The following KCNIP1 variants were observed in gnomAD, a reference collection of about 807,000 sequenced individuals.
KCNIP1 encodes the protein potassium voltage-gated channel interacting protein 1.
Under a neutral mutation model 33.0 loss-of-function variants are expected in KCNIP1, and 18 were observed. The ratio of observed to expected loss-of-function variants is 0.55; its 90% CI spans 0.38 to 0.81. The LOEUF is 0.81. KCNIP1 is among the 30% of genes least tolerant of loss of function. KCNIP1 has a pLI of 0.00. For missense variants in KCNIP1, 238 were observed against 271.6 expected (o/e 0.88, Z 0.87); for synonymous variants, 93 against 98.3 (o/e 0.95, Z 0.32).
At chr5:170,712,470 T>TG (rs1763483542) in intron 1 of KCNIP1, among the ~76,000 whole-genome samples, 1 of 152,174 alleles carries the variant, frequency 6.6e-6, no homozygotes, top group African/African-American at 2.4e-5. Context: ...AGAGGGGGAA[T>TG]GGGGGCCTCC....
chr5:170,477,419 C>T (rs1325984507), intron 1 of KCNIP1, among the ~76,000 whole-genome samples: 1 of 151,508 alleles, frequency 6.6e-6, no homozygotes, highest in Admixed American at 6.6e-5. Flanking sequence ...CCTGGGTTGG[C>T]TTTTTTGTTT....
intron 1 of KCNIP1, among the ~76,000 whole-genome samples, chr5:170,471,486 A>G (rs1400954155): frequency 1.3e-5 from 2 of 152,164 alleles, no homozygotes; most frequent in African/African-American, 4.8e-5. Context: ...GTTCTGATCC[A>G]TCTCCCTTTT....
At chr5:170,682,784 C>CTTTGTTTTTTT (rs1762396344) in intron 1 of KCNIP1, among the ~76,000 whole-genome samples, 1 of 71,404 alleles carries the variant, frequency 1.4e-5, no homozygotes, top group Non-Finnish European at 2.4e-5. Flanking sequence ...TTCTTTGTTT[C>CTTTGTTTTTTT]TTTTTTTTTT....
intron 1 of KCNIP1, among the ~76,000 whole-genome samples, chr5:170,490,483 A>G (rs536488025): frequency 3.1e-4 from 47 of 152,234 alleles, no homozygotes; most frequent in Non-Finnish European, 6.2e-4. Flanking sequence ...ACACACACCC[A>G]TAAGAGTGCA....
chr5:170,384,838 T>A (rs1764400032), intron 1 of KCNIP1, among the ~76,000 whole-genome samples: 2 of 152,166 alleles, frequency 1.3e-5, no homozygotes, highest in Admixed American at 1.3e-4. Flanking sequence ...TGCAGACACA[T>A]CAGAAAACCT....
intron 1 of KCNIP1, among the ~76,000 whole-genome samples, chr5:170,693,807 A>C (rs1482071656): frequency 6.6e-6 from 1 of 152,248 alleles, no homozygotes; most frequent in Non-Finnish European, 1.5e-5. Context: ...AGGAAGGATT[A>C]GCAAGAAGAA....
intron 1 of KCNIP1, among the ~76,000 whole-genome samples, chr5:170,570,989 C>T (rs1186844581): frequency 6.6e-6 from 1 of 152,128 alleles, no homozygotes; most frequent in Non-Finnish European, 1.5e-5. Flanking sequence ...AAGTAGTGTC[C>T]CAAAGCCAAT....
At chr5:170,680,460 A>G (rs1478927654) in intron 1 of KCNIP1, 1 of 152,192 alleles carries the variant, frequency 6.6e-6, no homozygotes, top group Non-Finnish European at 1.5e-5. Flanking sequence ...TCTGATACTA[A>G]TATAAAACCT....
intron 1 of KCNIP1, among the ~76,000 whole-genome samples, chr5:170,587,272 T>A (rs1276128429): frequency 8.4e-6 from 1 of 119,208 alleles, no homozygotes; most frequent in Non-Finnish European, 1.8e-5. Flanking sequence ...AATAGAAAAA[T>A]TAGCCGGGTG....
intron 1 of KCNIP1, among the ~76,000 whole-genome samples, chr5:170,591,385 A>AAGG (rs10633764): frequency 0.99 from 151,214 of 152,280 alleles, 75,094 homozygotes; most frequent in Middle Eastern, 1. Flanking sequence ...AGGGGAAAGA[A>AAGG]AGGAGAGTGA....
intron 1 of KCNIP1, among the ~76,000 whole-genome samples, chr5:170,611,656 C>T (rs1759158706): frequency 6.6e-6 from 1 of 152,226 alleles, no homozygotes; most frequent in African/African-American, 2.4e-5. Flanking sequence ...CCTCCCAACA[C>T]CTCCCAAGCC....
intron 1 of KCNIP1, among the ~76,000 whole-genome samples, chr5:170,640,307 C>T (rs182155755): frequency 2.0e-5 from 3 of 152,314 alleles, no homozygotes; most frequent in East Asian, 1.9e-4. Context: ...AGTATATCAA[C>T]ATTGTGAGTA....
upstream of KCNIP1, among the ~76,000 whole-genome samples, chr5:170,500,450 G>A (rs560599724): frequency 1.8e-4 from 27 of 152,278 alleles, no homozygotes; most frequent in Admixed American, 1.6e-3. Context: ...TGGCAAGGTC[G>A]CTGTATTGAG....
chr5:170,417,512 G>T (rs1419186213), intron 1 of KCNIP1, among the ~76,000 whole-genome samples: 1 of 152,120 alleles, frequency 6.6e-6, no homozygotes, highest in African/African-American at 2.4e-5. Context: ...TGGGAGACGG[G>T]GTCTATATTC....
intron 1 of KCNIP1, among the ~76,000 whole-genome samples, chr5:170,649,427 T>A (rs1245339168): frequency 6.6e-6 from 1 of 152,226 alleles, no homozygotes; most frequent in East Asian, 1.9e-4. Flanking sequence ...GGTCCATTGT[T>A]TAGTTTCTGC....
intron 1 of KCNIP1, among the ~76,000 whole-genome samples, chr5:170,465,279 C>T (rs1561638204): frequency 6.6e-6 from 1 of 152,212 alleles, no homozygotes. Context: ...GAACATGATT[C>T]TGCAAATTCC....
At chr5:170,464,013 C>A (rs1389694744) in intron 1 of KCNIP1, among the ~76,000 whole-genome samples, 5 of 147,778 alleles carry the variant, frequency 3.4e-5, no homozygotes, top group Non-Finnish European at 7.5e-5. Flanking sequence ...AATGAATAAT[C>A]CAAAAATAAA....
At chr5:170,630,464 C>T (rs759510497) in intron 1 of KCNIP1, among the ~76,000 whole-genome samples, 5 of 152,136 alleles carry the variant, frequency 3.3e-5, no homozygotes, top group South Asian at 2.1e-4. Flanking sequence ...TGGGCTGGGA[C>T]GTACAGATGA....
chr5:170,666,802 G>A (rs967424071), intron 1 of KCNIP1, among the ~76,000 whole-genome samples: 7 of 152,178 alleles, frequency 4.6e-5, no homozygotes, highest in Non-Finnish European at 8.8e-5. Flanking sequence ...TGGTCTGCTC[G>A]CTGGGCCCCT....
Sources: allele counts gnomAD v4.1 joint callset (sites outside exome capture counted in the v4.1 genomes callset), GRCh38; gene constraint gnomAD v4.1.1; transcripts MANE v1.5; gene names NCBI Gene and HGNC (gene_info 2026-07-23, HGNC 2026-07-21).